Variants in PLA2G7 observed in about 807,000 individuals in gnomAD.
The protein encoded by PLA2G7 is platelet-activating factor acetylhydrolase.
In PLA2G7, 63 loss-of-function variants were observed where a neutral mutation model predicts 49.6. That is an observed-to-expected ratio of 1.27 (90% confidence interval 1.04 to 1.57). PLA2G7 has a LOEUF of 1.57. Among genes scored for constraint, PLA2G7 ranks in the 40% most tolerant of loss-of-function variants. PLA2G7 has a pLI of 0.00. For missense variants in PLA2G7, 596 were observed against 521.2 expected, an observed-to-expected ratio of 1.14 and a Z score of -1.40; for synonymous variants, 193 against 169.9, an observed-to-expected ratio of 1.14 and a Z score of -1.06.
intron 4 of PLA2G7, 75 bp from the exon 5 acceptor site, chr6:46,714,628 C>T (rs941096048): frequency 1.0e-5 from 9 of 879,076 alleles, no homozygotes; most frequent in Non-Finnish European, 1.4e-5. Flanking sequence ...ATCTCATTAG[C>T]ATAAAATGCA....
At chr6:46,734,551 G>A (rs1308186286) in intron 1 of PLA2G7, among the ~76,000 whole-genome samples, 1 of 151,576 alleles carries the variant, frequency 6.6e-6, no homozygotes, top group East Asian at 2.0e-4. Context: ...GGGCGGGCGC[G>A]GTGGCTCATG....
At chr6:46,731,548 T>G (rs1204901783) in intron 1 of PLA2G7, among the ~76,000 whole-genome samples, 1 of 152,206 alleles carries the variant, frequency 6.6e-6, no homozygotes, top group Admixed American at 6.5e-5. Context: ...TTCCCTGCAT[T>G]TTGTGACGAC....
chr6:46,732,375 A>T (rs941398392), intron 1 of PLA2G7, among the ~76,000 whole-genome samples: 4 of 122,204 alleles, frequency 3.3e-5, no homozygotes, highest in Non-Finnish European at 6.6e-5. Context: ...ACATACACAC[A>T]CACACACACA....
In PLA2G7 at chr6:46,704,545, A is replaced by G; in HGVS notation, c.*15T>C. On this transcript the variant is annotated 3_prime_UTR_variant, in exon 12 of 12. Coordinates refer to ENST00000274793, the MANE Select transcript of PLA2G7 (RefSeq NM_005084.4). ...ACAGTTTTGAAACAAGACTTTTAAA[A>G]AACCTATTTTAATCCTAATTGTATT... The G allele has an allele frequency of 6.6e-7, 1 of 1,516,714 alleles. No individual in the cohort carries two copies. The highest frequency in any genetic ancestry group is 2.3e-5 in the East Asian group (1 of 44,344). The allele number at this position is 1,516,714 out of a possible 1,614,324, so 94.0% of individuals were successfully genotyped here. A position where few individuals can be genotyped will look rare whatever the true frequency, so the allele number is the denominator to read the frequency against.
chr6:46,720,727 A>G (rs1765368665), intron 2 of PLA2G7, among the ~76,000 whole-genome samples: 1 of 152,208 alleles, frequency 6.6e-6, no homozygotes, highest in Non-Finnish European at 1.5e-5. Flanking sequence ...CTTTATTTTA[A>G]TAGGAGGATT....
At chr6:46,711,453 T>A in intron 7 of PLA2G7, 43 bp downstream of exon 7, 2 of 1,609,034 alleles carry the variant, frequency 1.2e-6, no homozygotes, top group Non-Finnish European at 1.7e-6. Flanking sequence ...CTTTTGTACA[T>A]GCTTTTAGGT....
Position 46,708,081 on chromosome 6 carries a change from A to G in PLA2G7, c.950T>C (p.Ile317Thr). Residue 317 changes from isoleucine (I) to threonine (T), a missense_variant, in exon 10 of 12, where the codon ATC (isoleucine) becomes ACC (threonine). Coordinates refer to ENST00000274793, the MANE Select transcript of PLA2G7 (RefSeq NM_005084.4). ...YSRIPQPLFF[I>T]NSEYFQYPAN... ...AGGATATTGGAAATATTCAGAGTTG[A>G]TAAAAAAGAGGGGCTGAGGAATTCT... 1 of 1,607,582 alleles carries G rather than the reference A, an allele frequency of 6.2e-7. No individual in the cohort carries two copies. Among genetic ancestry groups the G allele is most frequent in the Non-Finnish European group, 8.5e-7 (1 of 1,174,260 alleles).
chr6:46,725,556 G>A (rs182834993), intron 1 of PLA2G7, among the ~76,000 whole-genome samples: 2 of 152,076 alleles, frequency 1.3e-5, no homozygotes, highest in East Asian at 1.9e-4. Flanking sequence ...CTTGCAGAGG[G>A]ACTGTATTTC....
intron 10 of PLA2G7, among the ~76,000 whole-genome samples, chr6:46,707,565 C>T (rs915233418): frequency 6.6e-6 from 1 of 152,120 alleles, no homozygotes; most frequent in African/African-American, 2.4e-5. Context: ...TTCACCCATC[C>T]CTCTCTTCCT....
chr6:46,728,995 A>T (rs1377118575), intron 1 of PLA2G7, among the ~76,000 whole-genome samples: 2 of 152,204 alleles, frequency 1.3e-5, no homozygotes, highest in Non-Finnish European at 2.9e-5. Flanking sequence ...TCAAAGAGGA[A>T]CCCTGATAAT....
intron 3 of PLA2G7, 78 bp downstream of exon 3, chr6:46,716,897 A>T: frequency 6.9e-7 from 1 of 1,456,832 alleles, no homozygotes; most frequent in African/African-American, 1.4e-5. Context: ...GCAAGGTCAC[A>T]TTTGAACACC....
At chr6:46,725,105 A>T (rs1765528997) in intron 1 of PLA2G7, among the ~76,000 whole-genome samples, 1 of 152,234 alleles carries the variant, frequency 6.6e-6, no homozygotes, top group South Asian at 2.1e-4. Context: ...ATATGGTACA[A>T]GTTCTGAGAG....
intron 1 of PLA2G7, among the ~76,000 whole-genome samples, chr6:46,732,592 C>T (rs1765767677): frequency 6.6e-6 from 1 of 152,152 alleles, no homozygotes; most frequent in East Asian, 1.9e-4. Flanking sequence ...TGAATGAATA[C>T]AAGTTCTACT....
At chr6:46,717,842 G>T (rs150855083) in intron 2 of PLA2G7, among the ~76,000 whole-genome samples, 151 of 151,670 alleles carry the variant, frequency 1.0e-3, no homozygotes, top group Non-Finnish European at 1.9e-3. Context: ...CTCCTGAGTA[G>T]CTGGGATTAC....
intron 6 of PLA2G7, 71 bp from the exon 7 acceptor site, chr6:46,711,690 C>G (rs1015784779): frequency 2.7e-6 from 4 of 1,483,470 alleles, no homozygotes; most frequent in Non-Finnish European, 3.8e-6. Flanking sequence ...TTTCTCAGTT[C>G]CATCCTTGAC....
At position 46,704,445 on chromosome 6, in the gene PLA2G7, C is replaced by A; in HGVS notation, c.*115G>T. 3.8e-6 allele frequency: 2 copies of A among 531,288 alleles called. No individual in the cohort carries two copies. Among genetic ancestry groups the A allele is most frequent in the South Asian group, 1.8e-5 (1 of 56,026 alleles). The allele number at this position is 531,288 out of a possible 1,614,324, so 32.9% of individuals were successfully genotyped here. ...CTTTGGGAAAATACATTAAAATTCT[C>A]TCTCTCTCTCTCTCTCTCTCTCTCT... On this transcript the variant is annotated 3_prime_UTR_variant, in exon 12 of 12. Transcript: ENST00000274793.
Position 46,725,603 on chromosome 6 carries a change from G to A in PLA2G7, c.-34-2678C>T, listed in dbSNP as rs143215678. On this transcript the variant is annotated intron_variant, in intron 1 of 11. Coordinates refer to ENST00000274793, the MANE Select transcript of PLA2G7 (RefSeq NM_005084.4). Reference sequence around the variant, plus strand: ...TCTTTCTTTTGATCAGAAAAAAAAGGTATATATGTGCAACTCTTTAAGATT... The same window carrying A: ...TCTTTCTTTTGATCAGAAAAAAAAGATATATATGTGCAACTCTTTAAGATT... 1.6e-3 allele frequency among the ~76,000 whole-genome samples: 248 copies of A among 152,148 alleles called. 1 individual carries two copies. Among genetic ancestry groups the A allele is most frequent in the African/African-American group, 5.7e-3 (236 of 41,480 alleles).
intron 11 of PLA2G7, among the ~76,000 whole-genome samples, 170 bp downstream of exon 11, chr6:46,704,983 G>T (rs149405928): frequency 6.6e-6 from 1 of 152,150 alleles, no homozygotes; most frequent in Non-Finnish European, 1.5e-5. Context: ...TATAGAGGAT[G>T]TAAAGCAGCA....
intron 10 of PLA2G7, among the ~76,000 whole-genome samples, chr6:46,707,317 G>A (rs1395731217): frequency 6.6e-6 from 1 of 152,180 alleles, no homozygotes; most frequent in East Asian, 1.9e-4. Context: ...ATATTCTGGT[G>A]TTTAGATTGA....
Sources: gnomAD v4.1 joint callset for allele counts (sites outside exome capture counted in the v4.1 genomes callset) on GRCh38, gnomAD v4.1.1 for gene constraint, MANE v1.5 for transcripts, NCBI Gene and HGNC (gene_info 2026-07-23, HGNC 2026-07-21) for gene names.